MARS1: variants seen among roughly 807,000 people sequenced by gnomAD.
MARS1 encodes methionine--tRNA ligase, cytoplasmic.
A neutral mutation model predicts 119.5 loss-of-function variants in MARS1; 80 were observed. The observed-to-expected ratio is 0.67, with a 90% confidence interval of 0.56 to 0.81. The LOEUF is 0.81. Ranked by LOEUF, MARS1 falls within the 30% of genes least tolerant of loss-of-function variation. The pLI, the probability that MARS1 is intolerant of heterozygous loss-of-function variation, is 0.00. For missense variants in MARS1, 945 were observed against 1,116.5 expected, an observed-to-expected ratio of 0.85 and a Z score of 2.19; for synonymous variants, 418 against 433.4, an observed-to-expected ratio of 0.96 and a Z score of 0.44.
chr12:57,489,652 C>T (rs1875775103), intron 4 of MARS1, 94 bp downstream of exon 4: 4 of 1,498,392 alleles, frequency 2.7e-6, no homozygotes, highest in African/African-American at 1.4e-5. Context: ...CCAACACTGC[C>T]ACTTACTAGT....
intron 7 of MARS1, among the ~76,000 whole-genome samples, chr12:57,491,115 C>G (rs1275401249): frequency 4.6e-5 from 7 of 151,984 alleles, no homozygotes; most frequent in Non-Finnish European, 7.4e-5. Flanking sequence ...TCAGGTGATC[C>G]ACCAGCCTTG....
Position 57,516,385 on chromosome 12 carries a change from T to C in MARS1, c.2556+48T>C, listed in dbSNP as rs140237698. On this transcript the variant is annotated intron_variant, in intron 20 of 20. Transcript: ENST00000262027. ...GAGACTGGACAAGCTGAATCCTAAATAGATCTTTTTCTTGCCTCACTGTTA... is the reference window on the plus strand; with the variant it reads ...GAGACTGGACAAGCTGAATCCTAAACAGATCTTTTTCTTGCCTCACTGTTA... 7.5e-3 allele frequency: 12,162 copies of C among 1,612,150 alleles called. 54 individuals are homozygous for C. The highest frequency in any genetic ancestry group is 8.4e-3 in the Non-Finnish European group (9,935 of 1,178,296).
chr12:57,508,488 G>A lies in MARS1; in HGVS notation c.1369-3210G>A, dbSNP rs537093256. Among the ~76,000 whole-genome samples, 7 of 152,192 alleles carry A rather than the reference G, an allele frequency of 4.6e-5. No individual in the cohort carries two copies. The East Asian group carries it at 1.4e-3, about 29-fold the overall frequency. On this transcript the variant is annotated intron_variant, in intron 11 of 20. Transcript: ENST00000262027. ...AGCCCGGCCAACACAGCGAAACCCC[G>A]TCTCTACCAAAAAAATACGAAAACC...
intron 10 of MARS1, 119 bp from the exon 11 acceptor site, chr12:57,504,106 G>C: frequency 1.4e-6 from 1 of 706,204 alleles, no homozygotes; most frequent in Non-Finnish European, 2.6e-6. Context: ...ATTGGAGTGT[G>C]AGCCTGAAGC....
At chr12:57,515,404 G>A (rs1164997322) in intron 18 of MARS1, 68 bp downstream of exon 18, 2 of 1,483,190 alleles carry the variant, frequency 1.3e-6, no homozygotes, top group South Asian at 1.2e-5. Context: ...GTGGGTGAGA[G>A]AAGACCTAAC....
chr12:57,512,289 C>T lies in MARS1; in HGVS notation c.1689C>T (p.Val563=), dbSNP rs117833843. ...AKDNVPFHSL[V]FPCSALGAED... Reference sequence around the variant, plus strand: ...ACAATGTTCCTTTCCATAGCTTAGTCTTTCCTTGCTCAGCCCTAGGAGCTG... The same window carrying T: ...ACAATGTTCCTTTCCATAGCTTAGTTTTTCCTTGCTCAGCCCTAGGAGCTG... Residue 563 remains valine (V), a synonymous_variant, in exon 14 of 21, where the codon GTC becomes GTT. Coordinates refer to ENST00000262027, the MANE Select transcript of MARS1 (RefSeq NM_004990.4). The T allele has an allele frequency of 6.4e-4, 1,039 of 1,614,152 alleles. 12 individuals carry two copies. The East Asian group carries it at 0.019, about 29-fold the overall frequency.
At chr12:57,488,727 C>A in intron 1 of MARS1, 1 of 1,398,956 alleles carries the variant, frequency 7.1e-7, no homozygotes, top group Non-Finnish European at 9.9e-7. Flanking sequence ...ATGAAGATAT[C>A]CCAGTTACTT....
At chr12:57,509,012 T>C (rs1036211469) in intron 11 of MARS1, among the ~76,000 whole-genome samples, 1 of 152,214 alleles carries the variant, frequency 6.6e-6, no homozygotes, top group African/African-American at 2.4e-5. Flanking sequence ...ATATTTATCC[T>C]TCTCCCTCCA....
Position 57,512,118 on chromosome 12 carries a change from G to A in MARS1, c.1635+15G>A. On this transcript the variant is annotated intron_variant, in intron 13 of 20. Coordinates refer to ENST00000262027, the MANE Select transcript of MARS1 (RefSeq NM_004990.4). ...ACCCAGAGCAAGTGAGCAGTTCTTGGTTAGGCTGTGCATGGGGAGGGTAGG... is the reference window on the plus strand; with the variant it reads ...ACCCAGAGCAAGTGAGCAGTTCTTGATTAGGCTGTGCATGGGGAGGGTAGG... The A allele has an allele frequency of 6.2e-7, 1 of 1,613,440 alleles. No homozygotes were observed. The highest frequency in any genetic ancestry group is 8.5e-7 in the Non-Finnish European group (1 of 1,179,336).
rs935190131 is a variant in MARS1 at position 57,490,251 on chromosome 12, C to G, written c.535C>G (p.Gln179Glu). ...CAGCTGGTTCCAGACACTGAGTACC[C>G]AGGAACCATGTCAGCGAGCTGCAGA... ...LHSWFQTLST[Q>E]EPCQRAAETV... Residue 179 changes from glutamine (Q) to glutamate (E), a missense_variant, in exon 6 of 21, where the codon CAG becomes GAG. Coordinates refer to ENST00000262027, the MANE Select transcript of MARS1 (RefSeq NM_004990.4). 1.9e-6 allele frequency: 3 copies of G among 1,613,868 alleles called. No homozygotes were observed. The highest frequency in any genetic ancestry group is 2.5e-6 in the Non-Finnish European group (3 of 1,180,024).
intron 11 of MARS1, among the ~76,000 whole-genome samples, chr12:57,510,253 C>A (rs1877442218): frequency 6.6e-6 from 1 of 151,932 alleles, no homozygotes; most frequent in African/African-American, 2.4e-5. Flanking sequence ...GCAGGCGGAT[C>A]ATGAGGTCAA....
chr12:57,514,546 AAAGAGTAAAT>A (rs1877681218), intron 15 of MARS1, among the ~76,000 whole-genome samples, 164 bp from the exon 16 acceptor site: 1 of 152,150 alleles, frequency 6.6e-6, no homozygotes, highest in African/African-American at 2.4e-5. Context: ...TAGGGGAGAG[AAAGAGTAAAT>A]AATTAGGCCT....
At chr12:57,507,336 C>T (rs1214938801) in intron 11 of MARS1, among the ~76,000 whole-genome samples, 2 of 148,112 alleles carry the variant, frequency 1.4e-5, no homozygotes, top group African/African-American at 2.5e-5. Context: ...CCGCCATTGT[C>T]ATCATGGCCC....
At chr12:57,496,177 CTTT>C (rs58223781) in intron 7 of MARS1, among the ~76,000 whole-genome samples, 1 of 137,768 alleles carries the variant, frequency 7.3e-6, no homozygotes, top group Non-Finnish European at 1.6e-5. Context: ...TAAGCACTTT[CTTT>C]TTTTTTTTTT....
At chr12:57,507,669 A>C (rs1237819928) in intron 11 of MARS1, among the ~76,000 whole-genome samples, 34 of 54,896 alleles carry the variant, frequency 6.2e-4, no homozygotes, top group African/African-American at 7.5e-4. Context: ...CTGGCCCCCC[A>C]CCTCCCTCCC....
At chr12:57,491,016 A>T (rs1413231911) in intron 7 of MARS1, among the ~76,000 whole-genome samples, 1 of 151,294 alleles carries the variant, frequency 6.6e-6, no homozygotes, top group Non-Finnish European at 1.5e-5. Flanking sequence ...AGCTGGGATT[A>T]TAGGTGTGCA....
chr12:57,492,347 A>C (rs1329499633), intron 7 of MARS1, among the ~76,000 whole-genome samples: 1 of 151,248 alleles, frequency 6.6e-6, no homozygotes, highest in African/African-American at 2.4e-5. Context: ...AGAGGTGACT[A>C]ATTTAGAGGC....
In MARS1 at chr12:57,489,299, A is replaced by G; in HGVS notation, c.233A>G (p.Asp78Gly). The change falls in exon 3 of 21, where the codon GAT (aspartate) becomes GGT (glycine). Residue 78 changes from aspartate (D) to glycine (G), a missense_variant. Asp to Gly is a moderately conservative substitution (Grantham distance 94). Coordinates refer to ENST00000262027, the MANE Select transcript of MARS1 (RefSeq NM_004990.4). ...TTTTTGTTATCTGGCTGGGAGCAAG[A>G]TGACCTCACTAACCAGTGGCTGGAA... ...YFFLLSGWEQ[D>G]DLTNQWLEWE... The G allele has an allele frequency of 6.2e-7, 1 of 1,613,918 alleles. No homozygotes were observed. The highest frequency in any genetic ancestry group is 8.5e-7 in the Non-Finnish European group (1 of 1,180,024).
intron 11 of MARS1, 115 bp from the exon 12 acceptor site, chr12:57,511,583 C>CA (rs965917822): frequency 8.4e-4 from 885 of 1,051,554 alleles, no homozygotes; most frequent in Non-Finnish European, 1.0e-3. Flanking sequence ...ACTCTGTCTC[C>CA]AAAAAAAAAG....
Sources: allele counts gnomAD v4.1 joint callset (sites outside exome capture counted in the v4.1 genomes callset), GRCh38; gene constraint gnomAD v4.1.1; transcripts MANE v1.5; gene names NCBI Gene and HGNC (gene_info 2026-07-23, HGNC 2026-07-21).